The following PTPRD variants were observed in gnomAD, a reference collection of about 807,000 sequenced individuals.
PTPRD encodes the protein receptor-type tyrosine-protein phosphatase delta.
PTPRD carries 34 observed loss-of-function variants against 214.5 expected under a neutral mutation model. The ratio of observed to expected loss-of-function variants is 0.16; its 90% CI spans 0.12 to 0.21. The LOEUF (loss-of-function observed/expected upper bound fraction) is 0.21, where lower values mean the gene tolerates loss of function less well. PTPRD is among the 10% of genes least tolerant of loss of function. The probability of loss-of-function intolerance (pLI) is 1.00; values close to 1 mark genes in which losing one functional copy is unlikely to be tolerated. For synonymous variants in PTPRD, 1,128 were observed against 845.7 expected (o/e 1.33, Z -5.79); for missense variants, 2,545 against 2,398.7 (o/e 1.06, Z -1.27).
chr9:9,941,261 G>C (rs1173088192), intron 4 of PTPRD, among the ~76,000 whole-genome samples: 1 of 152,152 alleles, frequency 6.6e-6, no homozygotes, highest in Non-Finnish European at 1.5e-5. Flanking sequence ...TGACAGATTT[G>C]TATGCTCAAA....
At chr9:10,225,034 A>T (rs1204406437) in intron 3 of PTPRD, among the ~76,000 whole-genome samples, 1 of 152,028 alleles carries the variant, frequency 6.6e-6, no homozygotes, top group African/African-American at 2.4e-5. Context: ...AAAGTTATAC[A>T]TAGATTTCTG....
At chr9:8,984,590 A>G (rs947490059) in intron 11 of PTPRD, among the ~76,000 whole-genome samples, 1 of 152,048 alleles carries the variant, frequency 6.6e-6, no homozygotes, top group Non-Finnish European at 1.5e-5. Context: ...GGTAAAATCC[A>G]TTTTTCTTCT....
intron 14 of PTPRD, among the ~76,000 whole-genome samples, chr9:8,601,539 C>T (rs2094863948): frequency 1.3e-5 from 2 of 152,176 alleles, no homozygotes; most frequent in South Asian, 4.1e-4. Flanking sequence ...GCTCAGCACA[C>T]AGAGACAGAC....
chr9:9,775,168 T>G (rs1167267370), intron 5 of PTPRD, among the ~76,000 whole-genome samples: 1 of 152,206 alleles, frequency 6.6e-6, no homozygotes, highest in African/African-American at 2.4e-5. Flanking sequence ...CTAATTGCAT[T>G]AATAATCGAA....
At chr9:9,795,843 T>C (rs966056374) in intron 5 of PTPRD, among the ~76,000 whole-genome samples, 8 of 152,030 alleles carry the variant, frequency 5.3e-5, no homozygotes, top group Non-Finnish European at 1.2e-4. Context: ...GACTAAACAG[T>C]AGGTAAAATT....
chr9:9,977,640 A>C (rs1163828384), intron 4 of PTPRD, among the ~76,000 whole-genome samples: 1 of 152,150 alleles, frequency 6.6e-6, no homozygotes, highest in African/African-American at 2.4e-5. Context: ...AATTGCCATG[A>C]GTACGACTGA....
intron 11 of PTPRD, chr9:8,861,820 G>C (rs933791132): frequency 6.6e-6 from 1 of 152,106 alleles, no homozygotes; most frequent in Non-Finnish European, 1.5e-5. Context: ...AAGAGAGTGA[G>C]GAATTTCATA....
At chr9:9,712,074 T>C (rs2097746116) in intron 7 of PTPRD, among the ~76,000 whole-genome samples, 2 of 152,144 alleles carry the variant, frequency 1.3e-5, no homozygotes, top group African/African-American at 2.4e-5. Context: ...TTAAACAAGT[T>C]TTTCGTTGAT....
intron 8 of PTPRD, among the ~76,000 whole-genome samples, chr9:9,474,093 G>A (rs544142558): frequency 6.2e-4 from 95 of 152,090 alleles, no homozygotes; most frequent in Middle Eastern, 3.4e-3. Flanking sequence ...ATAGACTTGG[G>A]TCTTAGTTTA....
At chr9:10,011,384 T>C (rs989973361) in intron 4 of PTPRD, among the ~76,000 whole-genome samples, 1 of 152,002 alleles carries the variant, frequency 6.6e-6, no homozygotes, top group African/African-American at 2.4e-5. Flanking sequence ...GAAGCTGGCA[T>C]TTCCTAGCAA....
At chr9:9,791,808 G>A (rs2098969386) in intron 5 of PTPRD, among the ~76,000 whole-genome samples, 1 of 152,064 alleles carries the variant, frequency 6.6e-6, no homozygotes, top group South Asian at 2.1e-4. Context: ...TTGCTTATGG[G>A]AAGTTATAAG....
chr9:8,381,925 C>T (rs1445606487), intron 37 of PTPRD, among the ~76,000 whole-genome samples: 5 of 152,160 alleles, frequency 3.3e-5, no homozygotes, highest in South Asian at 2.1e-4. Context: ...GCCTCTTTCT[C>T]GTGGCCAAGT....
chr9:8,328,150 T>C (rs1417836061), intron 44 of PTPRD, among the ~76,000 whole-genome samples: 2 of 152,222 alleles, frequency 1.3e-5, no homozygotes, highest in African/African-American at 4.8e-5. Flanking sequence ...TTGCAGTGGC[T>C]GGTACCAGTT....
At chr9:10,396,134 C>A (rs1207209947) in intron 2 of PTPRD, among the ~76,000 whole-genome samples, 1 of 151,936 alleles carries the variant, frequency 6.6e-6, no homozygotes, top group Non-Finnish European at 1.5e-5. Context: ...GATTGTTATA[C>A]CTCCTCACCT....
At chr9:8,982,308 G>A (rs10511516) in intron 11 of PTPRD, among the ~76,000 whole-genome samples, 41,401 of 151,742 alleles carry the variant, frequency 0.27, 6,353 homozygotes, top group East Asian at 0.56. Flanking sequence ...AAGACCATGC[G>A]TTAGCTTCTT....
At chr9:9,555,815 A>C (rs1351881771) in intron 8 of PTPRD, among the ~76,000 whole-genome samples, 1 of 152,162 alleles carries the variant, frequency 6.6e-6, no homozygotes, top group Non-Finnish European at 1.5e-5. Context: ...TAAGAGATTA[A>C]ATTTTTTAAT....
chr9:8,822,529 G>A (rs1242398055), intron 11 of PTPRD, among the ~76,000 whole-genome samples: 1 of 152,140 alleles, frequency 6.6e-6, no homozygotes, highest in African/African-American at 2.4e-5. Flanking sequence ...CATGGTTGTT[G>A]AAGGCTAATG....
chr9:10,303,376 C>G (rs2095932117), intron 3 of PTPRD, among the ~76,000 whole-genome samples: 3 of 151,806 alleles, frequency 2.0e-5, no homozygotes. Context: ...CAAACAAATT[C>G]AAAAGCTAGC....
In PTPRD at chr9:8,500,744, G is replaced by A. The variant is rs2136944984; in HGVS notation, c.2128+10C>T. 2 of 1,613,376 alleles carry A rather than the reference G, an allele frequency of 1.2e-6. No homozygotes were observed. Among genetic ancestry groups the A allele is most frequent in the Non-Finnish European group, 8.5e-7 (1 of 1,179,530 alleles). ...GAAGGGTGCAAACTGACGTAGCGGAGGCAACATACCATCTTCATTGGTTCG... is the reference window on the plus strand; with the variant it reads ...GAAGGGTGCAAACTGACGTAGCGGAAGCAACATACCATCTTCATTGGTTCG... On this transcript the variant is annotated intron_variant, in intron 24 of 45. Coordinates refer to ENST00000381196, the MANE Select transcript of PTPRD (RefSeq NM_002839.4).
Sources: allele counts gnomAD v4.1 joint callset (sites outside exome capture counted in the v4.1 genomes callset), GRCh38; gene constraint gnomAD v4.1.1; transcripts MANE v1.5; gene names NCBI Gene and HGNC (gene_info 2026-07-23, HGNC 2026-07-21).